The following ZCCHC7 variants were observed in gnomAD, a reference collection of about 807,000 sequenced individuals.
The protein encoded by ZCCHC7 is zinc finger CCHC-type containing 7.
ZCCHC7 carries 35 observed loss-of-function variants against 52.0 expected under a neutral mutation model. The ratio of observed to expected loss-of-function variants is 0.67; its 90% CI spans 0.51 to 0.89. The LOEUF is 0.89. Ranked by LOEUF, ZCCHC7 falls within the 40% of genes least tolerant of loss-of-function variation. ZCCHC7 has a pLI of 0.00. For synonymous variants in ZCCHC7, 217 were observed against 221.5 expected, an observed-to-expected ratio of 0.98 and a Z score of 0.18; for missense variants, 574 against 649.1, an observed-to-expected ratio of 0.88 and a Z score of 1.26.
At chr9:37,122,687 C>A (rs1045446273) in intron 1 of ZCCHC7, among the ~76,000 whole-genome samples, 8 of 152,218 alleles carry the variant, frequency 5.3e-5, no homozygotes, top group Non-Finnish European at 1.5e-5. Flanking sequence ...CGCCTGTAAT[C>A]CAGGCACTTT....
chr9:37,321,806 A>C (rs1011194718), intron 5 of ZCCHC7, among the ~76,000 whole-genome samples: 1 of 152,122 alleles, frequency 6.6e-6, no homozygotes, highest in Non-Finnish European at 1.5e-5. Context: ...AAGTGAAACT[A>C]ATTTACCTTT....
At chr9:37,131,646 A>C (rs1398983619) in intron 2 of ZCCHC7, among the ~76,000 whole-genome samples, 1 of 152,060 alleles carries the variant, frequency 6.6e-6, no homozygotes, top group African/African-American at 2.4e-5. Context: ...CTCTTGTCTC[A>C]AAAAGAAAAA....
intron 2 of ZCCHC7, among the ~76,000 whole-genome samples, chr9:37,279,724 A>C (rs1827859450): frequency 2.0e-5 from 3 of 151,086 alleles, no homozygotes; most frequent in Non-Finnish European, 4.4e-5. Context: ...ATATATTAGA[A>C]AAACATAATT....
At chr9:37,243,460 A>G (rs573941120) in intron 2 of ZCCHC7, among the ~76,000 whole-genome samples, 7 of 151,948 alleles carry the variant, frequency 4.6e-5, no homozygotes, top group African/African-American at 1.7e-4. Context: ...ACTTTTTGAA[A>G]AGACCTTATT....
At chr9:37,122,851 T>A (rs1456859954) in intron 1 of ZCCHC7, among the ~76,000 whole-genome samples, 1 of 152,144 alleles carries the variant, frequency 6.6e-6, no homozygotes, top group Non-Finnish European at 1.5e-5. Context: ...GCAGGAGAAT[T>A]TCTTGAACCC....
At chr9:37,237,308 A>G (rs1307175725) in intron 2 of ZCCHC7, among the ~76,000 whole-genome samples, 1 of 152,178 alleles carries the variant, frequency 6.6e-6, no homozygotes, top group Non-Finnish European at 1.5e-5. Flanking sequence ...TTGTTTAGCA[A>G]TATTCCTTTC....
chr9:37,179,293 G>A (rs1431899912), intron 2 of ZCCHC7, among the ~76,000 whole-genome samples: 1 of 151,934 alleles, frequency 6.6e-6, no homozygotes, highest in African/African-American at 2.4e-5. Context: ...TTGTCTTAGT[G>A]CTTTGCTTCT....
intron 6 of ZCCHC7, among the ~76,000 whole-genome samples, chr9:37,343,436 T>C (rs1205814862): frequency 6.6e-6 from 1 of 152,200 alleles, no homozygotes; most frequent in Non-Finnish European, 1.5e-5. Context: ...AAATCTTTAC[T>C]ATATTTGCTC....
chr9:37,136,648 G>A (rs1461490714), intron 2 of ZCCHC7, among the ~76,000 whole-genome samples: 1 of 152,172 alleles, frequency 6.6e-6, no homozygotes, highest in Admixed American at 6.5e-5. Flanking sequence ...GTTAGATGGA[G>A]TTTCACCATT....
chr9:37,256,365 T>C (rs1023755688), intron 2 of ZCCHC7, among the ~76,000 whole-genome samples: 1 of 152,188 alleles, frequency 6.6e-6, no homozygotes, highest in Non-Finnish European at 1.5e-5. Context: ...GTCAAATCTG[T>C]GTTGCTAGTA....
chr9:37,316,775 C>T (rs923929900), intron 5 of ZCCHC7, among the ~76,000 whole-genome samples: 2 of 151,942 alleles, frequency 1.3e-5, no homozygotes, highest in African/African-American at 2.4e-5. Context: ...GATGGTCTCT[C>T]AAGTTTTCCA....
At chr9:37,302,292 T>C (rs1372195727) in intron 3 of ZCCHC7, 61 bp downstream of exon 3, 2 of 1,373,530 alleles carry the variant, frequency 1.5e-6, no homozygotes, top group Non-Finnish European at 2.0e-6. Context: ...TAGTTTATTA[T>C]GATAACTTTT....
chr9:37,325,134 A>G (rs1034879897), intron 5 of ZCCHC7, among the ~76,000 whole-genome samples: 1 of 152,214 alleles, frequency 6.6e-6, no homozygotes, highest in Non-Finnish European at 1.5e-5. Context: ...ACACTGATTT[A>G]TGTATGGTTT....
chr9:37,157,209 AAAAG>A (rs1388494316), intron 2 of ZCCHC7, among the ~76,000 whole-genome samples: 2 of 151,646 alleles, frequency 1.3e-5, no homozygotes, highest in African/African-American at 2.4e-5. Flanking sequence ...AAAAAAAAAA[AAAAG>A]GCGGCCGGGT....
At chr9:37,138,895 T>A (rs1488354423) in intron 2 of ZCCHC7, among the ~76,000 whole-genome samples, 1 of 151,950 alleles carries the variant, frequency 6.6e-6, no homozygotes, top group African/African-American at 2.4e-5. Context: ...GTATGATTTA[T>A]ATAGACAGTA....
chr9:37,200,189 TTC>T (rs1231188147), intron 2 of ZCCHC7, among the ~76,000 whole-genome samples: 2 of 152,224 alleles, frequency 1.3e-5, no homozygotes, highest in Non-Finnish European at 2.9e-5. Context: ...TGTTATCTTT[TTC>T]TGTTTTCTTC....
intron 5 of ZCCHC7, among the ~76,000 whole-genome samples, chr9:37,309,112 A>C (rs1266963349): frequency 6.6e-6 from 1 of 152,114 alleles, no homozygotes; most frequent in Admixed American, 6.5e-5. Context: ...AGTATCTACT[A>C]TATTTGTTGT....
chr9:37,272,545 G>A (rs1321772698), intron 2 of ZCCHC7, among the ~76,000 whole-genome samples: 1 of 147,358 alleles, frequency 6.8e-6, no homozygotes, highest in Non-Finnish European at 1.5e-5. Flanking sequence ...TACTGCTGAC[G>A]CACATCCCTT....
chr9:37,341,627 G>T (rs1588696515), intron 6 of ZCCHC7, among the ~76,000 whole-genome samples: 1 of 152,192 alleles, frequency 6.6e-6, no homozygotes, highest in East Asian at 1.9e-4. Context: ...TTGGTTGGTT[G>T]GTTGGTCTTT....
Sources: gnomAD v4.1 joint callset for allele counts (sites outside exome capture counted in the v4.1 genomes callset) on GRCh38, gnomAD v4.1.1 for gene constraint, MANE v1.5 for transcripts, NCBI Gene and HGNC (gene_info 2026-07-23, HGNC 2026-07-21) for gene names.